ARL13B: variants seen among roughly 807,000 people sequenced by gnomAD.
ARL13B encodes ARF like GTPase 13B.
In ARL13B, 36 loss-of-function variants were observed where a neutral mutation model predicts 56.1. That is an observed-to-expected ratio of 0.64 (90% CI 0.49 to 0.85). The LOEUF (loss-of-function observed/expected upper bound fraction) is 0.85, where lower values mean the gene tolerates loss of function less well. ARL13B is among the 40% of genes least tolerant of loss of function. The pLI is 0.00. For synonymous variants in ARL13B, 178 were observed against 171.1 expected (o/e 1.04, Z -0.32); for missense variants, 519 against 507.1 (o/e 1.02, Z -0.23).
chr3:94,051,264 A>G (rs2077063198), intron 9 of ARL13B, among the ~76,000 whole-genome samples: 1 of 152,118 alleles, frequency 6.6e-6, no homozygotes, highest in African/African-American at 2.4e-5. Context: ...TATATGCTCA[A>G]TATACTCAAT....
At chr3:93,998,235 GC>G (rs1432210823) in intron 2 of ARL13B, among the ~76,000 whole-genome samples, 1 of 152,118 alleles carries the variant, frequency 6.6e-6, no homozygotes, top group Non-Finnish European at 1.5e-5. Flanking sequence ...TTCCTCTAAA[GC>G]CTGACATTCA....
chr3:93,985,787 C>T (rs1340875814), intron 1 of ARL13B, among the ~76,000 whole-genome samples: 1 of 152,148 alleles, frequency 6.6e-6, no homozygotes, highest in Non-Finnish European at 1.5e-5. Flanking sequence ...GAACTGATTT[C>T]TTGTCCATCT....
At chr3:94,023,592 C>G (rs770882612) in intron 3 of ARL13B, among the ~76,000 whole-genome samples, 11 of 151,870 alleles carry the variant, frequency 7.2e-5, no homozygotes, top group Non-Finnish European at 1.5e-4. Context: ...ACAGTCCAGT[C>G]CAAGAAAAGC....
At chr3:94,014,409 G>A (rs551783797) in intron 3 of ARL13B, 3 of 1,555,202 alleles carry the variant, frequency 1.9e-6, no homozygotes, top group African/African-American at 1.4e-5. Context: ...AGCATGGACA[G>A]CACCAACAAC....
intron 3 of ARL13B, among the ~76,000 whole-genome samples, chr3:94,010,818 T>A (rs562641038): frequency 7.9e-5 from 12 of 152,200 alleles, no homozygotes; most frequent in Non-Finnish European, 1.6e-4. Context: ...ATTTTACAAA[T>A]TCATCTGGAT....
chr3:94,024,668 C>T lies in ARL13B; in HGVS notation c.381-10663C>T, dbSNP rs2076519156. Among the ~76,000 whole-genome samples, 3 of 152,198 alleles carry T rather than the reference C, an allele frequency of 2.0e-5. No individual in the cohort carries two copies. In the South Asian group the frequency reaches 6.2e-4, roughly 31 times the overall value. ...TGGCTCAATTGCGGCTCACTGCAGCCTCTACCTCCCAGGCTCAAGTGATCC... is the reference window on the plus strand; with the variant it reads ...TGGCTCAATTGCGGCTCACTGCAGCTTCTACCTCCCAGGCTCAAGTGATCC... On this transcript the variant is annotated intron_variant, in intron 3 of 9. Transcript: ENST00000394222.
intron 7 of ARL13B, among the ~76,000 whole-genome samples, chr3:94,045,309 A>G (rs1051733687): frequency 2.6e-5 from 4 of 152,066 alleles, no homozygotes; most frequent in African/African-American, 9.7e-5. Context: ...AACACTGCGG[A>G]AGGCTGCAGG....
intron 3 of ARL13B, among the ~76,000 whole-genome samples, chr3:94,012,981 TTC>T (rs2076251479): frequency 5.3e-5 from 8 of 152,202 alleles, no homozygotes; most frequent in Non-Finnish European, 1.2e-4. Context: ...AACTTCAGAC[TTC>T]TTTCCATGGC....
rs1348106930 is a variant in ARL13B, at chr3:94,046,632, A to G, written c.1025-2774A>G. ...TTTGGCTATTACAAATAAACCTGAT[A>G]TGAACATTCATGTACAACAAAAAAA... On this transcript the variant is annotated intron_variant, in intron 7 of 9. Coordinates refer to ENST00000394222, the MANE Select transcript of ARL13B (RefSeq NM_001174150.2). Among the ~76,000 whole-genome samples the G allele has an allele frequency of 2.0e-5, 3 of 152,160 alleles. No individual in the cohort carries two copies. The East Asian group carries it at 5.8e-4, about 29-fold the overall frequency.
intron 1 of ARL13B, among the ~76,000 whole-genome samples, chr3:93,981,882 A>G (rs1050402115): frequency 1.2e-4 from 18 of 151,142 alleles, no homozygotes; most frequent in Admixed American, 4.0e-4. Context: ...AAAAAAAAAA[A>G]AAAAAAAGAA....
rs538444482 is a variant in ARL13B, at chr3:94,024,743, G to A, written c.381-10588G>A. On this transcript the variant is annotated intron_variant, in intron 3 of 9. Transcript: ENST00000394222. ...TGGGACTACAGTTGCATGCCACTGT[G>A]CTTGGCTGATTTTTTAAAATTTTTT... 1.1e-4 allele frequency among the ~76,000 whole-genome samples: 16 copies of A among 152,078 alleles called. 1 individual carries two copies. In the South Asian group the frequency reaches 2.9e-3, roughly 28 times the overall value.
At chr3:94,038,792 A>G (rs2076813705) in intron 5 of ARL13B, among the ~76,000 whole-genome samples, 1 of 152,022 alleles carries the variant, frequency 6.6e-6, no homozygotes, top group African/African-American at 2.4e-5. Context: ...AAATGCTGGG[A>G]TTACAGGCGT....
intron 3 of ARL13B, among the ~76,000 whole-genome samples, chr3:94,014,172 T>G (rs1200270838): frequency 2.6e-5 from 4 of 152,202 alleles, no homozygotes; most frequent in African/African-American, 7.2e-5. Flanking sequence ...TAACTGTATT[T>G]TTTTGTACTT....
chr3:94,038,910 T>C (rs1331095712), intron 5 of ARL13B, among the ~76,000 whole-genome samples: 2 of 152,200 alleles, frequency 1.3e-5, no homozygotes, highest in Non-Finnish European at 1.5e-5. Flanking sequence ...GTAACTAATA[T>C]GGAAATACTT....
chr3:94,034,237 AAAG>A (rs1284175584), intron 3 of ARL13B, among the ~76,000 whole-genome samples: 67 of 152,152 alleles, frequency 4.4e-4, no homozygotes, highest in South Asian at 2.1e-4. Flanking sequence ...ATACAAAAAA[AAAG>A]AAGGTATATA....
chr3:94,053,517 A>T lies in ARL13B; in HGVS notation c.*254A>T. The stretch of plus-strand genomic sequence containing the variant: ...ACCAAATTAGCAAGATTTACTGTTG[A>T]CTCTGGTTTATACATCCCCACTCAT... On this transcript the variant is annotated 3_prime_UTR_variant, in exon 10 of 10. Transcript: ENST00000394222. 1.6e-6 allele frequency: 1 copy of T among 606,404 alleles called. No individual in the cohort carries two copies. The highest frequency in any genetic ancestry group is 3.1e-6 in the Non-Finnish European group (1 of 325,820). 37.6% of individuals were successfully genotyped at this position (606,404 alleles called of 1,614,324 possible).
At chr3:94,019,413 T>A (rs527480419) in intron 3 of ARL13B, among the ~76,000 whole-genome samples, 3 of 151,578 alleles carry the variant, frequency 2.0e-5, no homozygotes, top group African/African-American at 7.3e-5. Context: ...GTCAGGTTGG[T>A]CTTGAACTCT....
intron 1 of ARL13B, among the ~76,000 whole-genome samples, chr3:93,990,674 T>A (rs551255708): frequency 6.6e-6 from 1 of 152,288 alleles, no homozygotes; most frequent in Admixed American, 6.5e-5. Context: ...TAGAAGTATA[T>A]CAAGTTCCCT....
chr3:94,020,277 T>C (rs1296812892), intron 3 of ARL13B, among the ~76,000 whole-genome samples: 1 of 152,204 alleles, frequency 6.6e-6, no homozygotes, highest in Non-Finnish European at 1.5e-5. Context: ...TGCCAGGCAC[T>C]AAGTGTGTTT....
Sources: gnomAD v4.1 joint callset for allele counts (sites outside exome capture counted in the v4.1 genomes callset) on GRCh38, gnomAD v4.1.1 for gene constraint, MANE v1.5 for transcripts, NCBI Gene and HGNC (gene_info 2026-07-23, HGNC 2026-07-21) for gene names.